The following GRB10 variants were observed in gnomAD, a reference collection of about 807,000 sequenced individuals.
GRB10 encodes the protein growth factor receptor bound protein 10.
A neutral mutation model predicts 80.9 loss-of-function variants in GRB10; 20 were observed. The observed-to-expected ratio is 0.25, with a 90% CI of 0.17 to 0.36. The LOEUF is 0.36. Among genes scored for constraint, GRB10 ranks in the 10% least tolerant of loss-of-function variants. The pLI is 1.00. For missense variants in GRB10, 548 were observed against 747.7 expected (o/e 0.73, Z 3.12); for synonymous variants, 291 against 291.5 (o/e 1.00, Z 0.02).
At chr7:50,638,702 A>C (rs1273818682) in intron 7 of GRB10, among the ~76,000 whole-genome samples, 2 of 152,210 alleles carry the variant, frequency 1.3e-5, no homozygotes, top group African/African-American at 4.8e-5. Context: ...CAAAGAAATA[A>C]AAATAGAATT....
At chr7:50,767,312 T>A (rs2076452435) in intron 2 of GRB10, among the ~76,000 whole-genome samples, 1 of 152,132 alleles carries the variant, frequency 6.6e-6, no homozygotes, top group Non-Finnish European at 1.5e-5. Context: ...GACACCTGGA[T>A]CCTGAAGGTA....
At chr7:50,612,227 C>T (rs1236770740) in intron 13 of GRB10, among the ~76,000 whole-genome samples, 1 of 152,140 alleles carries the variant, frequency 6.6e-6, no homozygotes, top group Non-Finnish European at 1.5e-5. Context: ...TTGGTTCAGT[C>T]GTGAAAATAA....
chr7:50,599,727 C>T lies in GRB10; in HGVS notation c.1545-4197G>A, dbSNP rs553542002. On this transcript the variant is annotated intron_variant, in intron 17 of 18. Transcript: ENST00000401949. ...CTATCGCTTTACAGGTCTGGAAAGA[C>T]GGATGCCTCACCAACTGGGTTTCTG... Among the ~76,000 whole-genome samples, 11 of 152,276 alleles carry T rather than the reference C, an allele frequency of 7.2e-5. No individual in the cohort carries two copies. In the South Asian group the frequency reaches 1.7e-3, roughly 23 times the overall value.
chr7:50,733,004 T>C (rs1055541966), intron 3 of GRB10, among the ~76,000 whole-genome samples: 9 of 152,310 alleles, frequency 5.9e-5, no homozygotes, highest in Non-Finnish European at 1.0e-4. Context: ...TGGGATGAAC[T>C]GTATCCTCCC....
intron 1 of GRB10, among the ~76,000 whole-genome samples, chr7:50,788,304 A>G (rs2078777334): frequency 6.6e-6 from 1 of 152,222 alleles, no homozygotes; most frequent in Non-Finnish European, 1.5e-5. Context: ...CTGCCATCTC[A>G]GTGGGGCCCA....
chr7:50,789,196 A>T (rs2078812356), intron 1 of GRB10, among the ~76,000 whole-genome samples: 1 of 152,210 alleles, frequency 6.6e-6, no homozygotes, highest in Non-Finnish European at 1.5e-5. Context: ...GATTTTGTGC[A>T]ACTAGCATGT....
chr7:50,661,324 TA>T (rs2059247855), intron 7 of GRB10, among the ~76,000 whole-genome samples: 1 of 152,212 alleles, frequency 6.6e-6, no homozygotes. Context: ...TTTTTAAAAT[TA>T]AGCAGAGGGA....
intron 3 of GRB10, chr7:50,747,559 C>T (rs913600016): frequency 1.3e-5 from 2 of 152,210 alleles, no homozygotes; most frequent in African/African-American, 4.8e-5. Context: ...ACCCCCAGAG[C>T]TGACTGGGCA....
chr7:50,645,493 C>A, intron 7 of GRB10: 3 of 548,338 alleles, frequency 5.5e-6, no homozygotes, highest in Non-Finnish European at 7.0e-6. Flanking sequence ...CATTTGGGCA[C>A]TAACTCCTTT....
At chr7:50,620,899 AAAAAAC>A (rs1490817909) in intron 8 of GRB10, among the ~76,000 whole-genome samples, 11 of 152,374 alleles carry the variant, frequency 7.2e-5, no homozygotes, top group East Asian at 1.9e-4. Context: ...TAGTTACAGG[AAAAAAC>A]AAAAACAAAA....
At chr7:50,744,280 C>T (rs1036430130) in intron 3 of GRB10, among the ~76,000 whole-genome samples, 13 of 152,140 alleles carry the variant, frequency 8.5e-5, no homozygotes, top group South Asian at 2.1e-4. Flanking sequence ...AAGAAAAGGA[C>T]GGCAGGGAGG....
Position 50,592,801 on chromosome 7 carries a change from C to A in GRB10, c.*151G>T, listed in dbSNP as rs1406508889. On this transcript the variant is annotated 3_prime_UTR_variant, in exon 19 of 19. Transcript: ENST00000401949. ...CAAATCGTCGTTTAAGTCCAACAAA[C>A]TAGTCAATCTTGGTCGGCTGGCACC... 1 of 911,524 alleles carries A rather than the reference C, an allele frequency of 1.1e-6. No homozygotes were observed. The highest frequency in any genetic ancestry group is 2.5e-5 in the East Asian group (1 of 40,030). The allele number at this position is 911,524 out of a possible 1,614,324, so 56.5% of individuals were successfully genotyped here.
At chr7:50,780,497 ACAC>A (rs1338050461) in intron 2 of GRB10, 127 bp downstream of exon 2, 1 of 152,156 alleles carries the variant, frequency 6.6e-6, no homozygotes, top group Non-Finnish European at 1.5e-5. Flanking sequence ...AAGGCCCAGA[ACAC>A]CACATCAGTT....
At chr7:50,721,468 A>G (rs1443707980) in intron 4 of GRB10, among the ~76,000 whole-genome samples, 1 of 152,252 alleles carries the variant, frequency 6.6e-6, no homozygotes, top group Non-Finnish European at 1.5e-5. Context: ...TATACTGAAT[A>G]ACAGCGCCAA....
chr7:50,699,893 T>C (rs2063916123), intron 5 of GRB10, among the ~76,000 whole-genome samples: 1 of 152,116 alleles, frequency 6.6e-6, no homozygotes, highest in Admixed American at 6.5e-5. Flanking sequence ...CCCAACACTT[T>C]GGGAGGCCGA....
intron 4 of GRB10, among the ~76,000 whole-genome samples, chr7:50,717,134 C>G (rs967425332): frequency 1.3e-5 from 2 of 152,214 alleles, no homozygotes; most frequent in Admixed American, 6.5e-5. Context: ...AAAGTCCTGT[C>G]ACAAAACACA....
intron 2 of GRB10, among the ~76,000 whole-genome samples, chr7:50,759,108 G>A (rs1027210702): frequency 1.4e-4 from 21 of 150,824 alleles, no homozygotes; most frequent in Non-Finnish European, 2.5e-4. Context: ...TGGGAGGATC[G>A]CTTGAGCCCA....
chr7:50,645,524 G>T, intron 7 of GRB10: 1 of 803,728 alleles, frequency 1.2e-6, no homozygotes, highest in Non-Finnish European at 1.5e-6. Flanking sequence ...AAACAAAAAG[G>T]ATCTGCTGAG....
chr7:50,614,996 ATACATAT>A, intron 11 of GRB10, 116 bp from the exon 12 acceptor site: 1 of 734,396 alleles, frequency 1.4e-6, no homozygotes, highest in Non-Finnish European at 2.5e-6. Context: ...CGATGACACT[ATACATAT>A]TACATATGAT....
Sources: allele counts gnomAD v4.1 joint callset (sites outside exome capture counted in the v4.1 genomes callset), GRCh38; gene constraint gnomAD v4.1.1; transcripts MANE v1.5; gene names NCBI Gene and HGNC (gene_info 2026-07-23, HGNC 2026-07-21).